PCDHGA6: variants seen among roughly 807,000 people sequenced by gnomAD.
PCDHGA6 encodes the protein protocadherin gamma subfamily A, 6.
In PCDHGA6, 41 loss-of-function variants were observed where a neutral mutation model predicts 60.6. The observed-to-expected ratio is 0.68, with a 90% CI of 0.53 to 0.88. The LOEUF is 0.88. Among genes scored for constraint, PCDHGA6 ranks in the 40% least tolerant of loss-of-function variants. PCDHGA6 has a pLI of 0.00. For missense variants in PCDHGA6, 1,312 were observed against 1,203.0 expected (o/e 1.09, Z -1.34); for synonymous variants, 594 against 524.4 (o/e 1.13, Z -1.81).
chr5:141,389,977 CAG>C (rs1303197054), intron 1 of PCDHGA6: 1 of 1,613,936 alleles, frequency 6.2e-7, no homozygotes, highest in Non-Finnish European at 8.5e-7. Flanking sequence ...GCCTTGATCT[CAG>C]TGCTCTTCCT....
In PCDHGA6 at chr5:141,375,805, C is replaced by T; in HGVS notation, c.1722C>T (p.Gly574=). 1 of 1,614,214 alleles carries T rather than the reference C, an allele frequency of 6.2e-7. No homozygotes were observed. The highest frequency in any genetic ancestry group is 1.1e-5 in the South Asian group (1 of 91,090). ...YPALPTDGST[G]VELAPRSAEP... ...CCCTCCCCACAGACGGTTCCACTGGCGTGGAGCTGGCGCCCCGCTCCGCAG... is the reference window on the plus strand; with the variant it reads ...CCCTCCCCACAGACGGTTCCACTGGTGTGGAGCTGGCGCCCCGCTCCGCAG... Residue 574 remains glycine (G), a synonymous_variant, in exon 1 of 4, where the codon GGC becomes GGT. Coordinates refer to ENST00000517434, the MANE Select transcript of PCDHGA6 (RefSeq NM_018919.3).
intron 1 of PCDHGA6, chr5:141,395,467 C>T (rs2093236177): frequency 1.8e-6 from 1 of 566,628 alleles, no homozygotes; most frequent in Non-Finnish European, 3.0e-6. Context: ...TTTAAGCCTT[C>T]CAGTATTTTA....
chr5:141,466,039 A>G (rs926979550), intron 1 of PCDHGA6, among the ~76,000 whole-genome samples: 1 of 152,122 alleles, frequency 6.6e-6, no homozygotes, highest in Non-Finnish European at 1.5e-5. Context: ...GGAGAACGGC[A>G]TGAACCCAGG....
At chr5:141,400,802 A>C in intron 1 of PCDHGA6, 1 of 557,534 alleles carries the variant, frequency 1.8e-6, no homozygotes, top group Non-Finnish European at 3.1e-6. Context: ...TCTCAAAGCT[A>C]ATGAATTTTA....
chr5:141,432,416 C>T lies in PCDHGA6; in HGVS notation c.2424+55909C>T. 4 of 1,614,258 alleles carry T rather than the reference C, an allele frequency of 2.5e-6. No individual in the cohort carries two copies. Among genetic ancestry groups the T allele is most frequent in the Non-Finnish European group, 3.4e-6 (4 of 1,180,048 alleles). ...CAACGTGTCGTTGAGCCTGTTCGTG[C>T]TGGACCAGAACGACAATGCGCCCGA... On this transcript the variant is annotated intron_variant, in intron 1 of 3. Coordinates refer to ENST00000517434, the MANE Select transcript of PCDHGA6 (RefSeq NM_018919.3). The surrounding 1 kb of genome is among the most constrained non-coding windows in gnomAD (Gnocchi z 6.0).
intron 1 of PCDHGA6, among the ~76,000 whole-genome samples, chr5:141,455,172 G>GT (rs1344126228): frequency 3.3e-5 from 5 of 150,340 alleles, no homozygotes; most frequent in South Asian, 4.2e-4. Context: ...TTTTTTTTTA[G>GT]TTTTTTTATT....
chr5:141,476,725 C>G lies in PCDHGA6; in HGVS notation c.2425-18082C>G. On this transcript the variant is annotated intron_variant, in intron 1 of 3. Coordinates refer to ENST00000517434, the MANE Select transcript of PCDHGA6 (RefSeq NM_018919.3). This position sits in a 1 kb window ranked among gnomAD's most constrained non-coding sequence, Gnocchi z 7.6. ...AGCTGGTGTTGGAGCGCGCCCTGGA[C>G]CGAGAACGGGAGCCTAGTCTCCAGT... The G allele has an allele frequency of 6.2e-7, 1 of 1,614,132 alleles. No homozygotes were observed. Among genetic ancestry groups the G allele is most frequent in the Non-Finnish European group, 8.5e-7 (1 of 1,180,038 alleles).
intron 1 of PCDHGA6, chr5:141,379,315 A>T (rs1364362567): frequency 1.3e-5 from 2 of 152,242 alleles, no homozygotes; most frequent in Non-Finnish European, 2.9e-5. Context: ...TAAACAAGAG[A>T]TCTAATCATA....
In PCDHGA6 at chr5:141,375,382, T is replaced by C. The variant is rs1197726438; in HGVS notation, c.1299T>C (p.Ser433=). Residue 433 remains serine (S), a synonymous_variant, in exon 1 of 4, where the codon TCT becomes TCC. Transcript: ENST00000517434. ...TATDKGTPPL[S]TETIISLNVA... ...CGGACAAAGGAACACCACCTCTGTC[T>C]ACAGAAACAATCATCTCTCTAAATG... 6.2e-7 allele frequency: 1 copy of C among 1,613,986 alleles called. No individual in the cohort carries two copies. Among genetic ancestry groups the C allele is most frequent in the Non-Finnish European group, 8.5e-7 (1 of 1,180,016 alleles).
rs1590066119 is a variant in PCDHGA6, at chr5:141,417,816, C to G, written c.2424+41309C>G. On this transcript the variant is annotated intron_variant, in intron 1 of 3. Transcript: ENST00000517434. ...CTTTTAGCGCGGTAGAGTGCACTTT[C>G]TCCAACTGGAAAAGCGGGGACCCAG... is the stretch of plus-strand genomic sequence containing the variant. 3 of 1,511,044 alleles carry G rather than the reference C, an allele frequency of 2.0e-6. No homozygotes were observed. The East Asian group carries it at 7.4e-5, about 37-fold the overall frequency. 93.6% of individuals were successfully genotyped at this position (1,511,044 alleles called of 1,614,324 possible).
At chr5:141,415,793 T>C in intron 1 of PCDHGA6, 1 of 1,373,160 alleles carries the variant, frequency 7.3e-7, no homozygotes, top group Non-Finnish European at 9.4e-7. Context: ...AAAATTCACC[T>C]AGTCTCAATC....
chr5:141,414,472 A>G (rs1039987036), intron 1 of PCDHGA6: 1 of 1,613,914 alleles, frequency 6.2e-7, no homozygotes, highest in African/African-American at 1.3e-5. Flanking sequence ...AGATGGGGGA[A>G]GTCCTCCTCT....
rs980944782 is a variant in PCDHGA6 at position 141,487,625 on chromosome 5, T to C, written c.2425-7182T>C. On this transcript the variant is annotated intron_variant, in intron 1 of 3. Coordinates refer to ENST00000517434, the MANE Select transcript of PCDHGA6 (RefSeq NM_018919.3). This position sits in a 1 kb window ranked among gnomAD's most constrained non-coding sequence, Gnocchi z 5.0. ...TCTCTATGGGCTAGAGGTGAGACCT[T>C]TGCAGGCTCAACAAATGCTTGAGGG... 4 of 1,614,090 alleles carry C rather than the reference T, an allele frequency of 2.5e-6. No homozygotes were observed. Among genetic ancestry groups the C allele is most frequent in the Admixed American group, 3.3e-5 (2 of 60,004 alleles).
intron 1 of PCDHGA6, chr5:141,418,292 T>A: frequency 6.2e-7 from 1 of 1,613,988 alleles, no homozygotes. Context: ...AATCAGTGAA[T>A]CCGTCAGCCT....
rs1222364302 is a variant in PCDHGA6, at chr5:141,414,920, C to T, written c.2424+38413C>T. On this transcript the variant is annotated intron_variant, in intron 1 of 3. Coordinates refer to ENST00000517434, the MANE Select transcript of PCDHGA6 (RefSeq NM_018919.3). ...GACGGTTCCACAGGCGTGGAGCTGG[C>T]GCCCCGCTCCGCAGAGCCCGGCTAC... 2.5e-6 allele frequency: 4 copies of T among 1,614,146 alleles called. No individual in the cohort carries two copies. The South Asian group carries it at 3.3e-5, about 13-fold the overall frequency.
rs2099411033 is a variant in PCDHGA6, at chr5:141,477,423, C to T, written c.2425-17384C>T. ...ACCGCCCGAGACGCCGGAACCCCTT[C>T]CCTCTCAGCCCTTACAATAGTGCGT... On this transcript the variant is annotated intron_variant, in intron 1 of 3. Coordinates refer to ENST00000517434, the MANE Select transcript of PCDHGA6 (RefSeq NM_018919.3). This position sits in a 1 kb window ranked among gnomAD's most constrained non-coding sequence, Gnocchi z 4.9. 1.9e-6 allele frequency: 3 copies of T among 1,614,196 alleles called. No individual in the cohort carries two copies. The highest frequency in any genetic ancestry group is 2.2e-5 in the East Asian group (1 of 44,882).
intron 1 of PCDHGA6, chr5:141,433,331 C>G: frequency 1.4e-6 from 1 of 699,624 alleles, no homozygotes; most frequent in South Asian, 1.9e-5. Context: ...GTAACAGGGA[C>G]TACAGGTGCA....
rs1461837957 is a variant in PCDHGA6, at chr5:141,432,613, G to C, written c.2424+56106G>C. The C allele has an allele frequency of 6.2e-7, 1 of 1,613,946 alleles. No homozygotes were observed. The highest frequency in any genetic ancestry group is 1.3e-5 in the African/African-American group (1 of 75,056). On this transcript the variant is annotated intron_variant, in intron 1 of 3. Coordinates refer to ENST00000517434, the MANE Select transcript of PCDHGA6 (RefSeq NM_018919.3). The surrounding 1 kb of genome is among the most constrained non-coding windows in gnomAD (Gnocchi z 6.0). ...AGGCCAGCGAGCCGGGACTCTTCTC[G>C]GTGGGTCTGCACACGGGCGAGGTGC...
intron 1 of PCDHGA6, among the ~76,000 whole-genome samples, chr5:141,457,854 C>A (rs2098930903): frequency 6.6e-6 from 1 of 152,234 alleles, no homozygotes; most frequent in African/African-American, 2.4e-5. Flanking sequence ...AAGTGACATT[C>A]TTCACTGACC....
Sources: gnomAD v4.1 joint callset for allele counts (sites outside exome capture counted in the v4.1 genomes callset) on GRCh38, gnomAD v4.1.1 for gene constraint, Gnocchi (gnomAD v3.1) non-coding constraint, MANE v1.5 for transcripts, NCBI Gene and HGNC (gene_info 2026-07-23, HGNC 2026-07-21) for gene names.